Variants in MAGI2 observed in about 807,000 individuals in gnomAD.
MAGI2 encodes the protein membrane-associated guanylate kinase, WW and PDZ domain-containing protein 2.
A neutral mutation model predicts 133.3 loss-of-function variants in MAGI2; 35 were observed. That is an observed-to-expected ratio of 0.26 (90% CI 0.20 to 0.35). The LOEUF (loss-of-function observed/expected upper bound fraction) is 0.35. Among genes scored for constraint, MAGI2 ranks in the 10% least tolerant of loss-of-function variants. The pLI is 1.00. For missense variants in MAGI2, 1,636 were observed against 1,863.4 expected (o/e 0.88, Z 2.25); for synonymous variants, 729 against 710.6 (o/e 1.03, Z -0.41).
chr7:78,528,774 G>C (rs1797193473), intron 3 of MAGI2, among the ~76,000 whole-genome samples: 1 of 152,048 alleles, frequency 6.6e-6, no homozygotes, highest in Non-Finnish European at 1.5e-5. Flanking sequence ...TTGAAACCAA[G>C]ATGCAGAAAC....
intron 2 of MAGI2, among the ~76,000 whole-genome samples, chr7:78,748,506 A>G (rs933383994): frequency 1.3e-5 from 2 of 152,232 alleles, no homozygotes; most frequent in African/African-American, 4.8e-5. Context: ...ACACTATGAA[A>G]AAGTGTAAAA....
chr7:78,103,787 T>C (rs1410880259), intron 20 of MAGI2, among the ~76,000 whole-genome samples: 1 of 152,268 alleles, frequency 6.6e-6, no homozygotes, highest in Non-Finnish European at 1.5e-5. Context: ...CATGAATTTA[T>C]CGAGGCTATG....
chr7:78,668,872 T>C lies in MAGI2; in HGVS notation c.419-41633A>G, dbSNP rs542038265. On this transcript the variant is annotated intron_variant, in intron 2 of 21. Transcript: ENST00000354212. ...GAAATAAGATGTTCTTTGAAACCAATGAGAACAAAGACACAACATACCAGA... is the reference window on the plus strand; with the variant it reads ...GAAATAAGATGTTCTTTGAAACCAACGAGAACAAAGACACAACATACCAGA... Among the ~76,000 whole-genome samples the C allele has an allele frequency of 7.1e-3, 1,066 of 149,762 alleles. 20 individuals carry two copies. Among genetic ancestry groups the C allele is most frequent in the African/African-American group, 0.025 (1,003 of 39,460 alleles).
chr7:78,862,622 AC>A (rs1223876342), intron 2 of MAGI2, among the ~76,000 whole-genome samples: 1 of 152,184 alleles, frequency 6.6e-6, no homozygotes, highest in Admixed American at 6.5e-5. Context: ...CTTTTTCCTA[AC>A]CACTCATGTT....
chr7:79,172,278 C>T (rs1364437800), intron 1 of MAGI2, among the ~76,000 whole-genome samples: 1 of 152,020 alleles, frequency 6.6e-6, no homozygotes, highest in African/African-American at 2.4e-5. Flanking sequence ...AGTTTGATCT[C>T]TTGGTATTTA....
At chr7:79,271,061 C>G (rs1382120124) in intron 1 of MAGI2, among the ~76,000 whole-genome samples, 1 of 152,048 alleles carries the variant, frequency 6.6e-6, no homozygotes, top group Non-Finnish European at 1.5e-5. Flanking sequence ...CTCTTTGATT[C>G]CAGTCTCTGA....
intron 3 of MAGI2, among the ~76,000 whole-genome samples, chr7:78,590,258 G>A (rs780159182): frequency 2.0e-5 from 3 of 152,264 alleles, no homozygotes; most frequent in East Asian, 1.9e-4. Context: ...GCCCTGGAAC[G>A]CTAATTCTGC....
chr7:78,030,227 G>T (rs1809421399), intron 21 of MAGI2, among the ~76,000 whole-genome samples: 1 of 152,128 alleles, frequency 6.6e-6, no homozygotes, highest in Non-Finnish European at 1.5e-5. Context: ...GATGTTATAT[G>T]CACATTAGCC....
intron 10 of MAGI2, among the ~76,000 whole-genome samples, chr7:78,250,339 A>G (rs1411517125): frequency 6.6e-6 from 1 of 152,094 alleles, no homozygotes; most frequent in Non-Finnish European, 1.5e-5. Flanking sequence ...AATATCTTAG[A>G]CGGAGTGAAA....
At position 79,198,520 on chromosome 7, in the gene MAGI2, G is replaced by A. The variant is rs538167440; in HGVS notation, c.302-191314C>T. Among the ~76,000 whole-genome samples, 2 of 151,926 alleles carry A rather than the reference G, an allele frequency of 1.3e-5. 1 individual carries two copies. Among genetic ancestry groups the A allele is most frequent in the Admixed American group, 1.3e-4 (2 of 15,254 alleles). ...ATACAAGCATCTTAATTACAATACT[G>A]ATCCTAAGAAATAAGGAAGATAATT... is the stretch of plus-strand genomic sequence containing the variant. On this transcript the variant is annotated intron_variant, in intron 1 of 21. Coordinates refer to ENST00000354212, the MANE Select transcript of MAGI2 (RefSeq NM_012301.4).
chr7:79,414,077 T>C (rs1846325512), intron 1 of MAGI2: 1 of 152,120 alleles, frequency 6.6e-6, no homozygotes, highest in South Asian at 2.1e-4. Flanking sequence ...ACTCCAACAG[T>C]TGGCAAAGGC....
At chr7:79,052,243 C>T (rs927263185) in intron 1 of MAGI2, among the ~76,000 whole-genome samples, 4 of 152,088 alleles carry the variant, frequency 2.6e-5, no homozygotes, top group African/African-American at 4.8e-5. Flanking sequence ...AAAGGACATT[C>T]GACAGGAGCA....
At chr7:78,405,626 C>T (rs1239844198) in intron 6 of MAGI2, among the ~76,000 whole-genome samples, 1 of 152,008 alleles carries the variant, frequency 6.6e-6, no homozygotes, top group Non-Finnish European at 1.5e-5. Context: ...AGAGTTTAAC[C>T]TTAAACATAA....
chr7:79,347,252 T>C (rs1422965830), intron 1 of MAGI2, among the ~76,000 whole-genome samples: 3 of 151,894 alleles, frequency 2.0e-5, no homozygotes, highest in Admixed American at 1.3e-4. Context: ...GCTAAAATCA[T>C]AACCAAAAAC....
intron 2 of MAGI2, among the ~76,000 whole-genome samples, chr7:78,742,200 G>A (rs1227806207): frequency 1.3e-5 from 2 of 151,988 alleles, no homozygotes; most frequent in Non-Finnish European, 2.9e-5. Flanking sequence ...CCTTTCCAAG[G>A]TTACCCAGAC....
At chr7:79,407,735 T>C (rs1171878905) in intron 1 of MAGI2, among the ~76,000 whole-genome samples, 1 of 152,054 alleles carries the variant, frequency 6.6e-6, no homozygotes, top group Non-Finnish European at 1.5e-5. Flanking sequence ...TCATAAGATA[T>C]GAACTTCAAA....
At chr7:78,606,522 C>G (rs1584816799) in intron 3 of MAGI2, among the ~76,000 whole-genome samples, 2 of 152,142 alleles carry the variant, frequency 1.3e-5, no homozygotes, top group South Asian at 4.1e-4. Flanking sequence ...TATAAGTATT[C>G]CAGTGTCTGC....
intron 2 of MAGI2, among the ~76,000 whole-genome samples, chr7:78,882,885 A>G (rs1795985128): frequency 6.6e-6 from 1 of 152,148 alleles, no homozygotes; most frequent in Non-Finnish European, 1.5e-5. Context: ...TCTATGACAA[A>G]CACACAGCCA....
At position 78,536,589 on chromosome 7, in the gene MAGI2, G is replaced by GCC. The variant is rs1797952138; in HGVS notation, c.539-14945_539-14944insGG. ...AAACAGAAAACAGAGTAATGGTTAG[G>GCC]AAGGAACTAATATGAGCAGCTTGTG... is the stretch of plus-strand genomic sequence containing the variant. On this transcript the variant is annotated intron_variant, in intron 3 of 21. Coordinates refer to ENST00000354212, the MANE Select transcript of MAGI2 (RefSeq NM_012301.4). Among the ~76,000 whole-genome samples the GCC allele has an allele frequency of 2.6e-5, 4 of 152,248 alleles. No individual in the cohort carries two copies. In the South Asian group the frequency reaches 8.3e-4, roughly 32 times the overall value.
Sources: gnomAD v4.1 joint callset for allele counts (sites outside exome capture counted in the v4.1 genomes callset) on GRCh38, gnomAD v4.1.1 for gene constraint, MANE v1.5 for transcripts, NCBI Gene and HGNC (gene_info 2026-07-23, HGNC 2026-07-21) for gene names.